The following GMDS variants were observed in gnomAD, a reference collection of about 807,000 sequenced individuals.
GMDS encodes the protein GDP-mannose 4,6-dehydratase, also known as GDP-mannose 4,6 dehydratase.
In GMDS, 20 loss-of-function variants were observed where a neutral mutation model predicts 49.9. The observed-to-expected ratio is 0.40, with a 90% confidence interval of 0.28 to 0.58. The LOEUF (loss-of-function observed/expected upper bound fraction) is 0.58. GMDS is among the 20% of genes least tolerant of loss of function. The pLI is 0.42. For synonymous variants in GMDS, 177 were observed against 178.6 expected (o/e 0.99, Z 0.07); for missense variants, 362 against 481.4 (o/e 0.75, Z 2.32).
intron 4 of GMDS, among the ~76,000 whole-genome samples, chr6:2,031,169 A>G (rs1768938741): frequency 6.6e-6 from 1 of 152,202 alleles, no homozygotes; most frequent in South Asian, 2.1e-4. Context: ...GGAGCCATGG[A>G]TTTTGAATTT....
chr6:1,807,694 C>A (rs1404381554), intron 7 of GMDS, among the ~76,000 whole-genome samples: 1 of 152,160 alleles, frequency 6.6e-6, no homozygotes, highest in African/African-American at 2.4e-5. Flanking sequence ...AACTGGATGT[C>A]CATGTGGAAA....
intron 4 of GMDS, among the ~76,000 whole-genome samples, chr6:2,039,173 C>T (rs911630872): frequency 1.1e-4 from 16 of 151,936 alleles, no homozygotes; most frequent in Non-Finnish European, 1.9e-4. Flanking sequence ...TTTATAAACA[C>T]GAAAAGTACA....
chr6:1,940,202 T>C (rs191718810), intron 6 of GMDS, among the ~76,000 whole-genome samples: 157 of 150,430 alleles, frequency 1.0e-3, no homozygotes, highest in Middle Eastern at 3.4e-3. Flanking sequence ...TACATACATA[T>C]CTAAACATTA....
chr6:2,120,179 T>A (rs13192802), intron 2 of GMDS, among the ~76,000 whole-genome samples: 1,700 of 152,280 alleles, frequency 0.011, 24 homozygotes, highest in Non-Finnish European at 0.017. Flanking sequence ...TCAAATCACT[T>A]AATCATCACA....
intron 7 of GMDS, among the ~76,000 whole-genome samples, chr6:1,746,461 C>T (rs1767499455): frequency 6.6e-6 from 1 of 151,974 alleles, no homozygotes; most frequent in South Asian, 2.1e-4. Context: ...TAAAAATGTC[C>T]CTTAATTGCC....
At chr6:1,987,154 G>C (rs905203259) in intron 4 of GMDS, among the ~76,000 whole-genome samples, 1 of 152,088 alleles carries the variant, frequency 6.6e-6, no homozygotes, top group Admixed American at 6.6e-5. Flanking sequence ...AAAGGGACTT[G>C]AGAAACCACC....
intron 6 of GMDS, among the ~76,000 whole-genome samples, chr6:1,944,902 C>G (rs769462987): frequency 3.9e-5 from 6 of 152,124 alleles, no homozygotes; most frequent in Non-Finnish European, 7.4e-5. Context: ...TTCTGTTATT[C>G]TCTTCTGTCA....
At chr6:2,187,309 G>A (rs1438107287) in intron 1 of GMDS, among the ~76,000 whole-genome samples, 2 of 152,136 alleles carry the variant, frequency 1.3e-5, no homozygotes, top group East Asian at 3.9e-4. Context: ...CAAGACCTGT[G>A]GGAAGTACGT....
At chr6:1,944,399 G>C (rs890738714) in intron 6 of GMDS, among the ~76,000 whole-genome samples, 6 of 152,074 alleles carry the variant, frequency 3.9e-5, no homozygotes, top group Non-Finnish European at 7.4e-5. Flanking sequence ...CAGCTGCTCG[G>C]GAGGCTGAGG....
chr6:2,175,561 G>A (rs1369084430), intron 1 of GMDS, among the ~76,000 whole-genome samples: 1 of 152,208 alleles, frequency 6.6e-6, no homozygotes. Context: ...GAACCAAGAA[G>A]CAGAGGTTGT....
intron 1 of GMDS, among the ~76,000 whole-genome samples, chr6:2,187,387 C>T (rs991538278): frequency 6.6e-6 from 1 of 152,198 alleles, no homozygotes; most frequent in Non-Finnish European, 1.5e-5. Flanking sequence ...CACCAACAGT[C>T]ATGTCACAAG....
At chr6:2,031,433 G>C (rs1191591457) in intron 4 of GMDS, among the ~76,000 whole-genome samples, 11 of 151,968 alleles carry the variant, frequency 7.2e-5, no homozygotes, top group African/African-American at 2.4e-4. Flanking sequence ...AACAGGAGAG[G>C]AGAGACACCC....
intron 4 of GMDS, among the ~76,000 whole-genome samples, chr6:2,065,055 C>A (rs1293577880): frequency 1.3e-5 from 2 of 152,004 alleles, no homozygotes; most frequent in Non-Finnish European, 2.9e-5. Flanking sequence ...AGTGGTTCTC[C>A]CAGCATGCAG....
chr6:1,677,798 G>T (rs1764672221), intron 9 of GMDS, among the ~76,000 whole-genome samples: 2 of 112,160 alleles, frequency 1.8e-5, no homozygotes, highest in African/African-American at 6.9e-5. Context: ...ACCTGTCGTG[G>T]GGTGGGGGGA....
chr6:1,750,973 G>A (rs557287366), intron 7 of GMDS, among the ~76,000 whole-genome samples: 2 of 152,172 alleles, frequency 1.3e-5, no homozygotes, highest in Non-Finnish European at 2.9e-5. Context: ...AAATGCGGCG[G>A]AGCCCACCAC....
chr6:2,049,791 C>T (rs78037345), intron 4 of GMDS, among the ~76,000 whole-genome samples: 1 of 152,070 alleles, frequency 6.6e-6, no homozygotes, highest in Non-Finnish European at 1.5e-5. Flanking sequence ...GGGTACATAA[C>T]GAAATGAAGG....
intron 4 of GMDS, among the ~76,000 whole-genome samples, chr6:1,997,026 C>T (rs765933003): frequency 2.6e-5 from 4 of 151,744 alleles, no homozygotes; most frequent in African/African-American, 4.8e-5. Flanking sequence ...GAGGAGGGAA[C>T]GGCCATGGTA....
At chr6:1,777,257 T>C (rs150798108) in intron 7 of GMDS, among the ~76,000 whole-genome samples, 16 of 152,368 alleles carry the variant, frequency 1.1e-4, no homozygotes, top group African/African-American at 2.9e-4. Context: ...GCACAGCTCC[T>C]AGGCAGCCTG....
At chr6:1,977,666 G>A (rs1764984962) in intron 4 of GMDS, among the ~76,000 whole-genome samples, 1 of 152,182 alleles carries the variant, frequency 6.6e-6, no homozygotes, top group South Asian at 2.1e-4. Context: ...ATGGAGGCAA[G>A]GGAACCCCCA....
Sources: allele counts gnomAD v4.1 joint callset (sites outside exome capture counted in the v4.1 genomes callset), GRCh38; gene constraint gnomAD v4.1.1; transcripts MANE v1.5; gene names NCBI Gene and HGNC (gene_info 2026-07-23, HGNC 2026-07-21).